The following ADGRL2 variants were observed in gnomAD, a reference collection of about 807,000 sequenced individuals.
ADGRL2 encodes the protein adhesion G protein-coupled receptor L2, also known as calcium-independent alpha-latrotoxin receptor 2.
Under a neutral mutation model 157.4 loss-of-function variants are expected in ADGRL2, and 44 were observed. The ratio of observed to expected loss-of-function variants is 0.28; its 90% confidence interval spans 0.22 to 0.36. The LOEUF (loss-of-function observed/expected upper bound fraction) is 0.36, where lower values mean the gene tolerates loss of function less well. Ranked by LOEUF, ADGRL2 falls within the 10% of genes least tolerant of loss-of-function variation. The pLI, the probability that ADGRL2 is intolerant of heterozygous loss-of-function variation, is 1.00. For missense variants in ADGRL2, 1,510 were observed against 1,768.9 expected (o/e 0.85, Z 2.63); for synonymous variants, 585 against 624.7 (o/e 0.94, Z 0.95).
chr1:81,736,637 C>A (rs1314693225), intron 1 of ADGRL2, among the ~76,000 whole-genome samples: 1 of 152,084 alleles, frequency 6.6e-6, no homozygotes, highest in Non-Finnish European at 1.5e-5. Context: ...GATCTCTATG[C>A]CTTATAACCA....
chr1:81,646,640 A>T (rs180946846), intron 3 of ADGRL2, among the ~76,000 whole-genome samples: 92 of 152,306 alleles, frequency 6.0e-4, no homozygotes, highest in Non-Finnish European at 1.1e-3. Flanking sequence ...ATGGGTCAGA[A>T]ATATTTTCCT....
At chr1:81,700,248 C>G (rs1052874755) in intron 1 of ADGRL2, among the ~76,000 whole-genome samples, 2 of 152,150 alleles carry the variant, frequency 1.3e-5, no homozygotes, top group African/African-American at 4.8e-5. Flanking sequence ...TTCAGAGGAA[C>G]GGAGAAACCA....
intron 2 of ADGRL2, among the ~76,000 whole-genome samples, chr1:81,456,862 TC>T (rs1387868447): frequency 6.6e-6 from 1 of 152,248 alleles, no homozygotes; most frequent in Non-Finnish European, 1.5e-5. Context: ...GTTTTCCTCC[TC>T]TTTGCTCTCT....
At chr1:81,371,114 G>A (rs1421179278) in intron 1 of ADGRL2, among the ~76,000 whole-genome samples, 1 of 152,192 alleles carries the variant, frequency 6.6e-6, no homozygotes, top group Non-Finnish European at 1.5e-5. Context: ...GTGGCTTTCA[G>A]TGGAAAATGC....
chr1:81,361,857 C>T (rs1327627892), intron 1 of ADGRL2, among the ~76,000 whole-genome samples: 2 of 151,894 alleles, frequency 1.3e-5, no homozygotes, highest in Non-Finnish European at 2.9e-5. Context: ...TCAGAGACAA[C>T]CCCATGAAAC....
In ADGRL2 at chr1:81,950,470, A is replaced by G; in HGVS notation, c.1492A>G (p.Lys498Glu). 1 of 1,613,036 alleles carries G rather than the reference A, an allele frequency of 6.2e-7. No individual in the cohort carries two copies. The highest frequency in any genetic ancestry group is 2.2e-5 in the East Asian group (1 of 44,850). Residue 498 changes from lysine to glutamate, a missense_variant, in exon 7 of 24, where the codon AAG becomes GAG. Around this residue, in one of 4 missense-constraint regions of ADGRL2, gnomAD observed 325 missense variants for 333.2 expected, o/e 0.98. Transcript: ENST00000686636. ...AATGATGGTTGAACGACCATGCCCT[A>G]AGGGAACAAGAGGTATTTTCTATAA... ...RGMMVERPCP[K>E]GTRGTASYLC... is the part of the protein sequence containing the mutation.
intron 2 of ADGRL2, among the ~76,000 whole-genome samples, chr1:81,879,283 GA>G (rs34149027): frequency 1.1e-4 from 17 of 149,900 alleles, no homozygotes; most frequent in African/African-American, 2.9e-4. Context: ...GCAAGCTCAG[GA>G]AAAAAAAAAT....
intron 2 of ADGRL2, among the ~76,000 whole-genome samples, chr1:81,553,743 A>G (rs993251199): frequency 6.6e-6 from 1 of 152,196 alleles, no homozygotes; most frequent in Non-Finnish European, 1.5e-5. Context: ...TTTCAAAGTT[A>G]TGCATCATTA....
upstream of ADGRL2, among the ~76,000 whole-genome samples, chr1:81,797,954 G>T (rs1456776216): frequency 2.0e-5 from 3 of 152,074 alleles, no homozygotes; most frequent in Non-Finnish European, 4.4e-5. Flanking sequence ...ATGGAAATGG[G>T]TGTTTCCTTT....
chr1:81,358,150 T>C (rs1663451974), intron 1 of ADGRL2, among the ~76,000 whole-genome samples: 1 of 152,230 alleles, frequency 6.6e-6, no homozygotes, highest in Non-Finnish European at 1.5e-5. Context: ...TAATTTGTTT[T>C]AAAAATCACA....
chr1:81,696,238 A>C (rs183356531), upstream of ADGRL2, among the ~76,000 whole-genome samples: 453 of 152,212 alleles, frequency 3.0e-3, 1 homozygote, highest in African/African-American at 0.01. Flanking sequence ...TTTTTCAACA[A>C]ATATGTTTAG....
At chr1:81,922,691 C>T (rs1439102999) in intron 3 of ADGRL2, among the ~76,000 whole-genome samples, 1 of 151,848 alleles carries the variant, frequency 6.6e-6, no homozygotes, top group Non-Finnish European at 1.5e-5. Flanking sequence ...TCTTCTACCA[C>T]TTTTTTTTAA....
chr1:81,617,723 T>C (rs2081692085), intron 3 of ADGRL2, among the ~76,000 whole-genome samples: 2 of 152,236 alleles, frequency 1.3e-5, no homozygotes, highest in Admixed American at 6.5e-5. Flanking sequence ...TTGGATGCTA[T>C]GTCAGTGTTT....
chr1:81,440,329 C>T (rs1248909497), intron 1 of ADGRL2, among the ~76,000 whole-genome samples: 1 of 152,170 alleles, frequency 6.6e-6, no homozygotes, highest in African/African-American at 2.4e-5. Flanking sequence ...ATCACTACTT[C>T]ACGTTGTGAA....
intron 1 of ADGRL2, among the ~76,000 whole-genome samples, chr1:81,822,547 C>G (rs777655489): frequency 6.6e-6 from 1 of 151,756 alleles, no homozygotes; most frequent in Non-Finnish European, 1.5e-5. Context: ...AGGTCTTGCT[C>G]GGTCATCTAG....
chr1:81,659,529 C>T lies in ADGRL2; in HGVS notation c.-143+78549C>T, dbSNP rs752091653. On this transcript the variant is annotated intron_variant, in intron 3 of 24. Transcript: ENST00000370721. Reference sequence around the variant, plus strand: ...TTCCCCTCCTGTTCTTATCTGAAAACCCAGTCAAAATAACTGGTTGCTTCT... The same window carrying T: ...TTCCCCTCCTGTTCTTATCTGAAAATCCAGTCAAAATAACTGGTTGCTTCT... 6.0e-4 allele frequency among the ~76,000 whole-genome samples: 91 copies of T among 152,156 alleles called. 1 individual carries two copies. The highest frequency in any genetic ancestry group is 1.1e-3 in the Non-Finnish European group (77 of 68,040).
chr1:81,459,405 A>C lies in ADGRL2; in HGVS notation c.-248+14316A>C, dbSNP rs1217188128. Among the ~76,000 whole-genome samples, 3 of 152,200 alleles carry C rather than the reference A, an allele frequency of 2.0e-5. No individual in the cohort carries two copies. In the East Asian group the frequency reaches 5.8e-4, roughly 29 times the overall value. On this transcript the variant is annotated intron_variant, in intron 2 of 24. Coordinates refer to the ADGRL2 transcript ENST00000370721. The stretch of plus-strand genomic sequence containing the variant: ...TTTTACTATACCTCAAGTAGAATCA[A>C]GTAGGATCATGAAGTATTTGTCCTT...
chr1:81,394,409 A>G (rs766418596), intron 1 of ADGRL2, among the ~76,000 whole-genome samples: 1 of 151,814 alleles, frequency 6.6e-6, no homozygotes, highest in South Asian at 2.1e-4. Context: ...TTCTATCTTT[A>G]CTTCCGTGAG....
intron 3 of ADGRL2, among the ~76,000 whole-genome samples, chr1:81,611,070 G>T (rs1268654440): frequency 2.0e-5 from 3 of 152,152 alleles, no homozygotes; most frequent in Non-Finnish European, 2.9e-5. Flanking sequence ...ATTTCTAGAG[G>T]TACAGTAAAG....
Sources: allele counts gnomAD v4.1 joint callset (sites outside exome capture counted in the v4.1 genomes callset), GRCh38; gene constraint gnomAD v4.1.1; regional missense constraint gnomAD v4.1.1; transcripts MANE v1.5; gene names NCBI Gene and HGNC (gene_info 2026-07-23, HGNC 2026-07-21).